The following ZNF280C variants were observed in gnomAD, a reference collection of about 807,000 sequenced individuals.
ZNF280C encodes the protein suppressor of hairy wing homolog 3.
In ZNF280C, 14 loss-of-function variants were observed where a neutral mutation model predicts 53.6. The ratio of observed to expected loss-of-function variants is 0.26; its 90% CI spans 0.17 to 0.41. The LOEUF (loss-of-function observed/expected upper bound fraction) is 0.41. Ranked by LOEUF, ZNF280C falls within the 10% of genes least tolerant of loss-of-function variation. The pLI, the probability that ZNF280C is intolerant of heterozygous loss-of-function variation, is 1.00. For synonymous variants in ZNF280C, 203 were observed against 181.1 expected (o/e 1.12, Z -0.97); for missense variants, 416 against 547.1 (o/e 0.76, Z 2.39).
In ZNF280C at chrX:130,260,443, C is replaced by T. The variant is rs760041654; in HGVS notation, c.7G>A (p.Asp3Asn). Residue 3 changes from aspartate to asparagine, a missense_variant, in exon 2 of 19, where the codon GAC becomes AAC. Asp to Asn is a conservative substitution (Grantham distance 23, BLOSUM62 1). This residue lies in a region of ZNF280C where 193 missense variants were observed against 201.4 expected (regional missense o/e 0.96). Coordinates refer to ENST00000370978, the MANE Select transcript of ZNF280C (RefSeq NM_017666.5). ...CTTTTTGGTTGAAAAGGTTTGTCGTCATCCATGAAGTTGCAAGGTCACCTA... is the reference window on the plus strand; with the variant it reads ...CTTTTTGGTTGAAAAGGTTTGTCGTTATCCATGAAGTTGCAAGGTCACCTA... MD[D>N]DKPFQPKNIS... 40 of 1,197,032 alleles carry T rather than the reference C, an allele frequency of 3.3e-5. No individual in the cohort carries two copies. Among genetic ancestry groups the T allele is most frequent in the Non-Finnish European group, 3.4e-6 (3 of 888,271 alleles).
At chrX:130,226,725 A>T in intron 12 of ZNF280C, 34 bp downstream of exon 12, 1 of 1,181,798 alleles carries the variant, frequency 8.5e-7, no homozygotes, top group Non-Finnish European at 1.1e-6. Context: ...TTTCACTAAG[A>T]CAACATGAAC....
At chrX:130,217,799 A>C (rs866878167) in intron 13 of ZNF280C, among the ~76,000 whole-genome samples, 7 of 112,779 alleles carry the variant, frequency 6.2e-5, no homozygotes, top group Middle Eastern at 4.6e-3. Flanking sequence ...GTATGTTAAC[A>C]GATATTAACG....
chrX:130,225,007 T>C, intron 12 of ZNF280C, among the ~76,000 whole-genome samples: 1 of 111,788 alleles, frequency 8.9e-6, no homozygotes, highest in Non-Finnish European at 1.9e-5. Context: ...TTGTGCAATA[T>C]TTGAGCAACT....
At chrX:130,207,640 G>A (rs1201635031) in intron 16 of ZNF280C, among the ~76,000 whole-genome samples, 2 of 111,391 alleles carry the variant, frequency 1.8e-5, no homozygotes, top group Non-Finnish European at 3.8e-5. Context: ...GGGATTACAG[G>A]CATGAGTCAC....
intron 2 of ZNF280C, among the ~76,000 whole-genome samples, chrX:130,251,595 G>A (rs1345113602): frequency 9.0e-6 from 1 of 110,993 alleles, no homozygotes; most frequent in Non-Finnish European, 1.9e-5. Context: ...TGTAACAAAA[G>A]TGAATTAAGA....
At position 130,219,100 on chromosome X, in the gene ZNF280C, T is replaced by C. The variant is rs769371874; in HGVS notation, c.1527+1249A>G. 2.1e-4 allele frequency among the ~76,000 whole-genome samples: 24 copies of C among 112,063 alleles called. No individual in the cohort carries two copies. In the Middle Eastern group the frequency reaches 0.014, roughly 65 times the overall value. On this transcript the variant is annotated intron_variant, in intron 13 of 18. Coordinates refer to ENST00000370978, the MANE Select transcript of ZNF280C (RefSeq NM_017666.5). ...AGACATACTCGCATTCAAAAGCATG[T>C]ACTCAAAGTGAAATACAAATGTTTA...
At chrX:130,245,854 T>C (rs1445247509) in intron 3 of ZNF280C, among the ~76,000 whole-genome samples, 1 of 109,965 alleles carries the variant, frequency 9.1e-6, no homozygotes, top group Non-Finnish European at 1.9e-5. Flanking sequence ...GACGTGATCT[T>C]GGCTCACTGC....
intron 14 of ZNF280C, 79 bp from the exon 15 acceptor site, chrX:130,215,412 A>G: frequency 3.2e-6 from 3 of 938,353 alleles, no homozygotes; most frequent in Non-Finnish European, 4.3e-6. Context: ...ACATTTTATT[A>G]ACTGAAGCCA....
intron 2 of ZNF280C, among the ~76,000 whole-genome samples, chrX:130,255,980 C>T (rs1038316734): frequency 2.0e-4 from 22 of 110,813 alleles, no homozygotes; most frequent in African/African-American, 7.2e-4. Context: ...GAATAAAGAA[C>T]AGCTTAGTCA....
At chrX:130,261,361 C>A (rs1156442363) in intron 1 of ZNF280C, among the ~76,000 whole-genome samples, 1 of 111,987 alleles carries the variant, frequency 8.9e-6, no homozygotes, top group East Asian at 2.8e-4. Flanking sequence ...AGTTATAAAA[C>A]AAAAAAGGTA....
At chrX:130,236,670 T>C (rs2032338491) in intron 6 of ZNF280C, 31 bp from the exon 7 acceptor site, 7 of 1,033,797 alleles carry the variant, frequency 6.8e-6, no homozygotes, top group Non-Finnish European at 7.9e-6. Flanking sequence ...AGAAAGATAT[T>C]TGTAAATATT....
At chrX:130,249,937 A>G (rs1343106715) in intron 2 of ZNF280C, among the ~76,000 whole-genome samples, 1 of 112,242 alleles carries the variant, frequency 8.9e-6, no homozygotes, top group African/African-American at 3.2e-5. Flanking sequence ...AGGAGCTGAT[A>G]GACAAAATAG....
intron 2 of ZNF280C, among the ~76,000 whole-genome samples, chrX:130,256,316 G>A (rs1191580392): frequency 9.0e-6 from 1 of 111,643 alleles, no homozygotes; most frequent in African/African-American, 3.3e-5. Flanking sequence ...AGCTGTGCAG[G>A]AGAATACCAC....
rs1212412013 is a variant in ZNF280C, at chrX:130,202,822, TAAAC to T, written c.*2151_*2154del. 4.5e-5 allele frequency: 5 copies of T among 110,863 alleles called. No homozygotes were observed. The highest frequency in any genetic ancestry group is 3.8e-4 in the South Asian group (1 of 2,658). The allele number at this position is 110,863 out of a possible 1,213,427, so 9.1% of individuals were successfully genotyped here. A position where few individuals can be genotyped will look rare whatever the true frequency, so the allele number is the denominator to read the frequency against. The stretch of plus-strand genomic sequence containing the variant: ...AAATCTGTATTCAATGTAACCAAAA[TAAAC>T]AAACAAGAAATTAAAAAAAATATAC... On this transcript the variant is annotated 3_prime_UTR_variant, in exon 19 of 19. Transcript: ENST00000370978.
Position 130,228,988 on chromosome X carries a change from T to C in ZNF280C, c.1136A>G (p.His379Arg). Residue 379 changes from histidine to arginine, a missense_variant, in exon 10 of 19, where the codon CAT (histidine) becomes CGT (arginine). Physicochemically the swap from His to Arg is conservative, Grantham distance 29. Around this residue, in one of 3 missense-constraint regions of ZNF280C, gnomAD observed 72 missense variants for 168.8 expected, o/e 0.43. Transcript: ENST00000370978. ...AAACTTTCACTTACTAGAAAACTCA[T>C]GGGGAGTGTGTGTACTCTCAATGTG... ...QCHIESTHTP[H>R]EFSTICKICE... The C allele has an allele frequency of 2.5e-6, 3 of 1,192,416 alleles. No individual in the cohort carries two copies. The highest frequency in any genetic ancestry group is 3.8e-5 in the South Asian group (2 of 52,836).
chrX:130,254,996 A>G (rs2032551446), intron 2 of ZNF280C, among the ~76,000 whole-genome samples: 1 of 109,155 alleles, frequency 9.2e-6, no homozygotes, highest in Admixed American at 9.8e-5. Context: ...TAAGACAACG[A>G]TATTATATAA....
At chrX:130,265,421 A>G (rs1415830917) in intron 1 of ZNF280C, among the ~76,000 whole-genome samples, 1 of 112,582 alleles carries the variant, frequency 8.9e-6, no homozygotes, top group East Asian at 2.7e-4. Context: ...TGGGGAAAAG[A>G]CTAATGTACA....
chrX:130,249,430 G>C (rs1235541884), intron 2 of ZNF280C, among the ~76,000 whole-genome samples: 1 of 112,120 alleles, frequency 8.9e-6, no homozygotes, highest in Non-Finnish European at 1.9e-5. Context: ...GCTGGGACAA[G>C]AGGTCCACGA....
chrX:130,218,422 G>A (rs969104793), intron 13 of ZNF280C, among the ~76,000 whole-genome samples: 2 of 111,324 alleles, frequency 1.8e-5, no homozygotes, highest in African/African-American at 6.5e-5. Context: ...TTCCTTAATG[G>A]TAACATATAA....
Sources: allele counts gnomAD v4.1 joint callset (sites outside exome capture counted in the v4.1 genomes callset), GRCh38; gene constraint gnomAD v4.1.1; regional missense constraint gnomAD v4.1.1; transcripts MANE v1.5; gene names NCBI Gene and HGNC (gene_info 2026-07-23, HGNC 2026-07-21).